Variants in PHF7 observed in about 807,000 individuals in gnomAD.
The protein encoded by PHF7 is PHD finger protein 7.
Under a neutral mutation model 47.5 loss-of-function variants are expected in PHF7, and 24 were observed. That is an observed-to-expected ratio of 0.51 (90% CI 0.37 to 0.71). PHF7 has a LOEUF of 0.71. Ranked by LOEUF, PHF7 falls within the 30% of genes least tolerant of loss-of-function variation. PHF7 has a pLI of 0.00. For synonymous variants in PHF7, 156 were observed against 153.8 expected (o/e 1.01, Z -0.11); for missense variants, 361 against 456.8 (o/e 0.79, Z 1.91).
chr3:52,413,508 A>G (rs1266442201), intron 2 of PHF7, among the ~76,000 whole-genome samples: 1 of 152,128 alleles, frequency 6.6e-6, no homozygotes, highest in African/African-American at 2.4e-5. Flanking sequence ...CTGCCCTCAA[A>G]TAACTCAGTG....
intron 4 of PHF7, among the ~76,000 whole-genome samples, chr3:52,419,293 C>T (rs939175796): frequency 1.3e-5 from 2 of 152,134 alleles, no homozygotes; most frequent in Admixed American, 6.6e-5. Context: ...TAGTACCTAC[C>T]TCCTAGGGCT....
At chr3:52,414,646 C>A in intron 4 of PHF7, 59 bp downstream of exon 4, 1 of 925,866 alleles carries the variant, frequency 1.1e-6, no homozygotes, top group Non-Finnish European at 1.7e-6. Context: ...ACTGACTGTT[C>A]TCTGTTACAT....
At position 52,421,762 on chromosome 3, in the gene PHF7, G is replaced by T; in HGVS notation, c.680+8G>T. On this transcript the variant is annotated splice_region_variant and intron_variant, in intron 8 of 10. Coordinates refer to ENST00000327906, the MANE Select transcript of PHF7 (RefSeq NM_016483.7). ...AATTCATATTCCAGACAGGTAGTGG[G>T]AACCCCAAAGCAGGAACTGAGCCAG... 1 of 1,464,466 alleles carries T rather than the reference G, an allele frequency of 6.8e-7. No homozygotes were observed. Among genetic ancestry groups the T allele is most frequent in the South Asian group, 1.1e-5 (1 of 87,952 alleles). 90.7% of individuals were successfully genotyped at this position (1,464,466 alleles called of 1,614,324 possible). A position where few individuals can be genotyped will look rare whatever the true frequency, so the allele number is the denominator to read the frequency against.
rs1016551584 is a variant in PHF7, at chr3:52,420,305, T to G, written c.289-6T>G. On this transcript the variant is annotated splice_region_variant and splice_polypyrimidine_tract_variant and intron_variant, in intron 5 of 10. Transcript: ENST00000327906. ...TCCTGAGCACTGTCTGGGAACTCAT[T>G]TGCAGATCTGCTTTGTGTGCAAGAA... The G allele has an allele frequency of 6.2e-7, 1 of 1,613,842 alleles. No homozygotes were observed. The highest frequency in any genetic ancestry group is 8.5e-7 in the Non-Finnish European group (1 of 1,179,828).
chr3:52,414,082 C>T (rs1489007620), intron 3 of PHF7, 34 bp downstream of exon 3: 1 of 1,511,736 alleles, frequency 6.6e-7, no homozygotes, highest in Non-Finnish European at 9.2e-7. Flanking sequence ...TCGCCCACTG[C>T]CTCCAGCCCT....
chr3:52,423,026 C>T, intron 10 of PHF7, 65 bp from the exon 11 acceptor site: 1 of 1,481,118 alleles, frequency 6.8e-7, no homozygotes, highest in Non-Finnish European at 9.4e-7. Flanking sequence ...TAGAGAGGAG[C>T]TTAAGGACCT....
chr3:52,415,182 A>G (rs868747536), intron 4 of PHF7, among the ~76,000 whole-genome samples: 1 of 151,940 alleles, frequency 6.6e-6, no homozygotes, highest in Non-Finnish European at 1.5e-5. Flanking sequence ...TAACTTTCAT[A>G]CTGTAAAAAT....
chr3:52,420,010 C>A (rs1705739379), intron 5 of PHF7, 76 bp downstream of exon 5: 2 of 858,098 alleles, frequency 2.3e-6, no homozygotes, highest in African/African-American at 1.7e-5. Context: ...TTTCTGTTCT[C>A]TTCCCTACTT....
chr3:52,412,985 T>C lies in PHF7; in HGVS notation c.41+65T>C, dbSNP rs564093557. The C allele has an allele frequency of 5.6e-5, 71 of 1,267,320 alleles. 1 individual carries two copies. The African/African-American group carries it at 9.7e-4, about 17-fold the overall frequency. 78.5% of individuals were successfully genotyped at this position (1,267,320 alleles called of 1,614,324 possible). ...CAATGGCCTGTGGTATAGGCTGCACTTTTTGCCCCCTTTGTCGTAGTCTTG... is the reference window on the plus strand; with the variant it reads ...CAATGGCCTGTGGTATAGGCTGCACCTTTTGCCCCCTTTGTCGTAGTCTTG... On this transcript the variant is annotated intron_variant, in intron 2 of 10. Coordinates refer to ENST00000327906, the MANE Select transcript of PHF7 (RefSeq NM_016483.7).
Position 52,420,884 on chromosome 3 carries a change from G to A in PHF7, c.414-19G>A. ...ACATCAATGACAAACCAGAAACCAA[G>A]TCTGTTTACCTGCCACAGATCATTT... On this transcript the variant is annotated intron_variant, in intron 6 of 10. Coordinates refer to ENST00000327906, the MANE Select transcript of PHF7 (RefSeq NM_016483.7). 1 of 1,595,132 alleles carries A rather than the reference G, an allele frequency of 6.3e-7. No homozygotes were observed. The highest frequency in any genetic ancestry group is 8.5e-7 in the Non-Finnish European group (1 of 1,171,006).
chr3:52,420,923 G>T lies in PHF7; in HGVS notation c.434G>T (p.Arg145Leu), dbSNP rs755299267. The T allele has an allele frequency of 1.9e-6, 3 of 1,611,068 alleles. No individual in the cohort carries two copies. Residue 145 changes from arginine (R) to leucine (L), a missense_variant, in exon 7 of 11, where the codon CGC becomes CTC. Coordinates refer to ENST00000327906, the MANE Select transcript of PHF7 (RefSeq NM_016483.7). ...GEYKSFCDKH[R>L]PTQNIQHGHV... ...CACAGATCATTTTGTGACAAACATC[G>T]CCCAACACAGAACATCCAACATGGG...
Position 52,421,701 on chromosome 3 carries a change from T to C in PHF7, c.627T>C (p.Asn209=). Residue 209 remains asparagine (N), a synonymous_variant, in exon 8 of 11, where the codon AAT becomes AAC. Transcript: ENST00000327906. ...TCTTCAAATGTCCACAGTGTAACAA[T>C]CGAAAAGAGTTTCCTCAAGAAATGC... The part of the protein sequence containing the change: ...KHFFKCPQCN[N]RKEFPQEMLR... The C allele has an allele frequency of 6.2e-7, 1 of 1,610,228 alleles. No individual in the cohort carries two copies. The highest frequency in any genetic ancestry group is 8.5e-7 in the Non-Finnish European group (1 of 1,176,474).
At chr3:52,422,458 T>C in intron 9 of PHF7, 120 bp downstream of exon 9, 3 of 752,328 alleles carry the variant, frequency 4.0e-6, no homozygotes, top group Non-Finnish European at 7.1e-6. Context: ...ATAAACACGA[T>C]TGCTAAGTCT....
Position 52,422,260 on chromosome 3 carries a change from A to G in PHF7, c.719A>G (p.Asp240Gly). 1 of 1,613,986 alleles carries G rather than the reference A, an allele frequency of 6.2e-7. No individual in the cohort carries two copies. Among genetic ancestry groups the G allele is most frequent in the Non-Finnish European group, 8.5e-7 (1 of 1,179,864 alleles). ...GAACTCGAGCCAGGGGCTTTCTCAG[A>G]CTTATATCAGCGCTATCAGCACTGT... ...AWELEPGAFS[D>G]LYQRYQHCDA... Residue 240 changes from aspartate (D) to glycine (G), a missense_variant, in exon 9 of 11, where the codon GAC (aspartate) becomes GGC (glycine). Coordinates refer to ENST00000327906, the MANE Select transcript of PHF7 (RefSeq NM_016483.7).
At chr3:52,422,982 T>C (rs1402517111) in intron 10 of PHF7, 101 bp downstream of exon 10, 3 of 1,546,966 alleles carry the variant, frequency 1.9e-6, no homozygotes, top group African/African-American at 2.7e-5. Context: ...GGGGGATTAA[T>C]AGTTGGTGCC....
intron 10 of PHF7, 34 bp from the exon 11 acceptor site, chr3:52,423,057 C>G (rs1038668701): frequency 1.6e-5 from 25 of 1,532,268 alleles, no homozygotes; most frequent in Non-Finnish European, 2.2e-5. Flanking sequence ...GAAGCAGAGG[C>G]TTGAGTTTTC....
intron 6 of PHF7, 42 bp from the exon 7 acceptor site, chr3:52,420,861 A>C: frequency 6.4e-7 from 1 of 1,573,102 alleles, no homozygotes; most frequent in Non-Finnish European, 8.6e-7. Context: ...GGGAAACTAC[A>C]TCAATGACAA....
At chr3:52,417,940 G>T (rs1003060510) in intron 4 of PHF7, among the ~76,000 whole-genome samples, 6 of 152,132 alleles carry the variant, frequency 3.9e-5, no homozygotes, top group Non-Finnish European at 4.4e-5. Context: ...TCAGGTTGAA[G>T]ATCCCTTTTA....
In PHF7 at chr3:52,423,087, C is replaced by A; in HGVS notation, c.920-4C>A. 1 of 1,600,272 alleles carries A rather than the reference C, an allele frequency of 6.2e-7. No individual in the cohort carries two copies. Among genetic ancestry groups the A allele is most frequent in the Non-Finnish European group, 8.6e-7 (1 of 1,167,458 alleles). On this transcript the variant is annotated splice_polypyrimidine_tract_variant and splice_region_variant and intron_variant, in intron 10 of 10. Coordinates refer to ENST00000327906, the MANE Select transcript of PHF7 (RefSeq NM_016483.7). ...GTTTTCCTCTCCTGCCTTTCTCTCA[C>A]CAGACTACATACCTGAAAACTCAGG...
Sources: gnomAD v4.1 joint callset for allele counts (sites outside exome capture counted in the v4.1 genomes callset) on GRCh38, gnomAD v4.1.1 for gene constraint, MANE v1.5 for transcripts, NCBI Gene and HGNC (gene_info 2026-07-23, HGNC 2026-07-21) for gene names.